The following AGK variants were observed in gnomAD, a reference collection of about 807,000 sequenced individuals.
AGK encodes acylglycerol kinase, mitochondrial.
A neutral mutation model predicts 66.4 loss-of-function variants in AGK; 52 were observed. The observed-to-expected ratio is 0.78, with a 90% CI of 0.63 to 0.99. The LOEUF (loss-of-function observed/expected upper bound fraction) is 0.99. Ranked by LOEUF, AGK falls within the 50% of genes least tolerant of loss-of-function variation. AGK has a pLI of 0.00. For missense variants in AGK, 451 were observed against 506.6 expected, an observed-to-expected ratio of 0.89 and a Z score of 1.05; for synonymous variants, 182 against 181.1, an observed-to-expected ratio of 1.00 and a Z score of -0.04.
chr7:141,554,982 G>C (rs1469150418), intron 1 of AGK, among the ~76,000 whole-genome samples: 1 of 152,012 alleles, frequency 6.6e-6, no homozygotes, highest in Non-Finnish European at 1.5e-5. Flanking sequence ...TTGAGGACCT[G>C]GTATTTTCTT....
At chr7:141,651,725 T>C (rs1797565123) in intron 15 of AGK, 116 bp downstream of exon 15, 2 of 971,120 alleles carry the variant, frequency 2.1e-6, no homozygotes, top group Middle Eastern at 2.2e-4. Context: ...GCACATATTG[T>C]GTGCCAAGCA....
intron 2 of AGK, among the ~76,000 whole-genome samples, chr7:141,568,057 C>T (rs1795506831): frequency 6.6e-6 from 1 of 152,278 alleles, no homozygotes; most frequent in East Asian, 1.9e-4. Flanking sequence ...TGATATAATA[C>T]ATACTCAGCC....
At chr7:141,652,603 C>T (rs771756004) in intron 15 of AGK, 184 bp from the exon 16 acceptor site, 29 of 473,594 alleles carry the variant, frequency 6.1e-5, no homozygotes, top group Non-Finnish European at 9.2e-5. Flanking sequence ...AGGATGTTTC[C>T]AGAACCAGCA....
intron 8 of AGK, 135 bp from the exon 9 acceptor site, chr7:141,621,597 A>G (rs1050120909): frequency 2.4e-5 from 11 of 457,844 alleles, no homozygotes; most frequent in South Asian, 1.2e-4. Context: ...AAGGAGGGGG[A>G]GAGAGAGAGA....
chr7:141,567,160 C>T (rs1401306899), intron 2 of AGK, among the ~76,000 whole-genome samples: 2 of 152,044 alleles, frequency 1.3e-5, no homozygotes, highest in Admixed American at 6.6e-5. Flanking sequence ...GTTCCATTCT[C>T]ATTCTACACA....
chr7:141,614,193 G>T lies in AGK; in HGVS notation c.423+15G>T. 1 of 1,490,396 alleles carries T rather than the reference G, an allele frequency of 6.7e-7. No individual in the cohort carries two copies. Among genetic ancestry groups the T allele is most frequent in the Non-Finnish European group, 9.0e-7 (1 of 1,106,132 alleles). The allele number at this position is 1,490,396 out of a possible 1,614,324, so 92.3% of individuals were successfully genotyped here. On this transcript the variant is annotated intron_variant, in intron 7 of 15. Coordinates refer to ENST00000649286, the MANE Select transcript of AGK (RefSeq NM_018238.4). ...GAACAGATGAGGTGAGCATTAAAGAGTAATTGCATTTTAACTTTTATTTTT... is the reference window on the plus strand; with the variant it reads ...GAACAGATGAGGTGAGCATTAAAGATTAATTGCATTTTAACTTTTATTTTT...
chr7:141,628,219 T>G (rs1796980671), intron 9 of AGK, among the ~76,000 whole-genome samples: 1 of 152,194 alleles, frequency 6.6e-6, no homozygotes, highest in South Asian at 2.1e-4. Context: ...TTTTATGTTT[T>G]TCTTTGAAAT....
chr7:141,576,427 A>G (rs560812758), intron 2 of AGK, among the ~76,000 whole-genome samples: 80 of 151,964 alleles, frequency 5.3e-4, no homozygotes, highest in South Asian at 1.9e-3. Flanking sequence ...CAGGGGTACC[A>G]GCCAGAGTGG....
In AGK at chr7:141,603,697, G is replaced by A. The variant is rs1472318882; in HGVS notation, c.297+2417G>A. 3.9e-5 allele frequency among the ~76,000 whole-genome samples: 6 copies of A among 151,998 alleles called. No homozygotes were observed. In the East Asian group the frequency reaches 7.7e-4, roughly 20 times the overall value. On this transcript the variant is annotated intron_variant, in intron 5 of 15. Coordinates refer to ENST00000649286, the MANE Select transcript of AGK (RefSeq NM_018238.4). ...TATGATTCCATTGGTCAGTAGTCTCGCCTGGGCTCATAGTGGCATGGCTGA... is the reference window on the plus strand; with the variant it reads ...TATGATTCCATTGGTCAGTAGTCTCACCTGGGCTCATAGTGGCATGGCTGA...
chr7:141,627,031 A>G (rs1373274443), intron 9 of AGK, among the ~76,000 whole-genome samples: 2 of 152,190 alleles, frequency 1.3e-5, no homozygotes, highest in East Asian at 3.9e-4. Flanking sequence ...ACATATACAC[A>G]TAGATAAAGC....
At chr7:141,557,603 T>C (rs1311538130) in intron 2 of AGK, among the ~76,000 whole-genome samples, 1 of 152,164 alleles carries the variant, frequency 6.6e-6, no homozygotes, top group East Asian at 1.9e-4. Context: ...CCATGTAGCC[T>C]TGAGACCTTA....
At position 141,652,746 on chromosome 7, in the gene AGK, C is replaced by CTGA. The variant is rs1797592504; in HGVS notation, c.1132-38_1132-36dup. The stretch of plus-strand genomic sequence containing the variant: ...TGAGACCTCCAACTCCAGTAGGCCA[C>CTGA]TGATGTGTTTGAGCTGTTCTGAATA... On this transcript the variant is annotated intron_variant, in intron 15 of 15. Transcript: ENST00000649286. 3 of 1,606,360 alleles carry CTGA rather than the reference C, an allele frequency of 1.9e-6. No individual in the cohort carries two copies. The African/African-American group carries it at 4.0e-5, about 21-fold the overall frequency.
intron 8 of AGK, among the ~76,000 whole-genome samples, chr7:141,620,362 G>A (rs1796797123): frequency 1.3e-5 from 2 of 152,168 alleles, no homozygotes; most frequent in Non-Finnish European, 2.9e-5. Flanking sequence ...TAAAAAAGAA[G>A]TTACACTTCC....
intron 9 of AGK, among the ~76,000 whole-genome samples, chr7:141,633,341 GATTT>G (rs1372917812): frequency 6.6e-6 from 1 of 152,154 alleles, no homozygotes; most frequent in Non-Finnish European, 1.5e-5. Context: ...TTAATTCACT[GATTT>G]ATTAGAAACT....
intron 9 of AGK, among the ~76,000 whole-genome samples, chr7:141,622,137 C>G (rs1260074642): frequency 6.6e-6 from 1 of 151,030 alleles, no homozygotes; most frequent in Non-Finnish European, 1.5e-5. Context: ...GTCACCCAGG[C>G]TGGAGTGCAG....
At chr7:141,623,379 CAAAAAA>C (rs35119899) in intron 9 of AGK, among the ~76,000 whole-genome samples, 1 of 54,220 alleles carries the variant, frequency 1.8e-5, no homozygotes, top group Admixed American at 2.1e-4. Flanking sequence ...AACTTTTTCT[CAAAAAA>C]AAAAAAAGAA....
At chr7:141,599,681 A>T (rs914278830) in intron 4 of AGK, among the ~76,000 whole-genome samples, 4 of 152,158 alleles carry the variant, frequency 2.6e-5, no homozygotes, top group Non-Finnish European at 4.4e-5. Context: ...CAATCTAGTA[A>T]TGAAAGCAAC....
At chr7:141,603,969 C>T (rs574858500) in intron 5 of AGK, among the ~76,000 whole-genome samples, 2 of 152,272 alleles carry the variant, frequency 1.3e-5, no homozygotes, top group Admixed American at 6.5e-5. Context: ...TATCATCTTA[C>T]ACTGTCTAAC....
At chr7:141,630,315 A>T (rs908508664) in intron 9 of AGK, among the ~76,000 whole-genome samples, 1 of 152,146 alleles carries the variant, frequency 6.6e-6, no homozygotes, top group African/African-American at 2.4e-5. Context: ...GCAAAGTTGC[A>T]GTTAGATAGG....
Sources: allele counts gnomAD v4.1 joint callset (sites outside exome capture counted in the v4.1 genomes callset), GRCh38; gene constraint gnomAD v4.1.1; transcripts MANE v1.5; gene names NCBI Gene and HGNC (gene_info 2026-07-23, HGNC 2026-07-21).